Variants in MEI4 observed in about 807,000 individuals in gnomAD.
MEI4 encodes the protein meiotic double-stranded break formation protein 4, also known as meiosis-specific protein MEI4.
Under a neutral mutation model 31.4 loss-of-function variants are expected in MEI4, and 27 were observed. The observed-to-expected ratio is 0.86, with a 90% CI of 0.63 to 1.19. The LOEUF (loss-of-function observed/expected upper bound fraction) is 1.19, where lower values mean the gene tolerates loss of function less well. MEI4 is among the 50% of genes most tolerant of loss of function. The pLI, the probability that MEI4 is intolerant of heterozygous loss-of-function variation, is 0.00. For synonymous variants in MEI4, 122 were observed against 145.4 expected, an observed-to-expected ratio of 0.84 and a Z score of 1.16; for missense variants, 329 against 398.9, an observed-to-expected ratio of 0.82 and a Z score of 1.49.
intron 1 of MEI4, among the ~76,000 whole-genome samples, chr6:77,656,666 A>G (rs1383488004): frequency 6.6e-6 from 1 of 152,218 alleles, no homozygotes; most frequent in East Asian, 1.9e-4. Flanking sequence ...AACGGTGCAT[A>G]AAACACTTAG....
At chr6:77,734,829 G>T (rs1221341943) in intron 2 of MEI4, among the ~76,000 whole-genome samples, 60 of 151,856 alleles carry the variant, frequency 4.0e-4, no homozygotes, top group Non-Finnish European at 4.6e-4. Flanking sequence ...GGGCAGGCCT[G>T]GTTGTGACAA....
At chr6:77,766,026 G>A (rs1218804731) in intron 3 of MEI4, among the ~76,000 whole-genome samples, 2 of 152,170 alleles carry the variant, frequency 1.3e-5, no homozygotes, top group African/African-American at 4.8e-5. Flanking sequence ...GATTTTCTAA[G>A]CAGCAGCTCT....
At chr6:77,696,542 G>T (rs548714706) in intron 2 of MEI4, among the ~76,000 whole-genome samples, 1 of 151,538 alleles carries the variant, frequency 6.6e-6, no homozygotes, top group African/African-American at 2.4e-5. Flanking sequence ...TTTGTCTTTG[G>T]TTCTGTTTAT....
chr6:77,742,561 T>C lies in MEI4; in HGVS notation c.233-18569T>C, dbSNP rs147502293. Among the ~76,000 whole-genome samples the C allele has an allele frequency of 7.8e-3, 1,189 of 152,228 alleles. 18 individuals are homozygous for C. The highest frequency in any genetic ancestry group is 0.027 in the African/African-American group (1,140 of 41,530). ...AGTAGTTTGCGAAAATTTTCTCCCA[T>C]TTTGTAGGTTGCCTATTCACTCTGA... On this transcript the variant is annotated intron_variant, in intron 2 of 4. Transcript: ENST00000684080.
chr6:77,675,624 G>A (rs1768830132), intron 1 of MEI4, among the ~76,000 whole-genome samples: 2 of 151,246 alleles, frequency 1.3e-5, no homozygotes, highest in South Asian at 4.2e-4. Context: ...TCAAAGCAGA[G>A]CCCACTGTCA....
At chr6:77,796,795 A>G (rs553106860) in intron 3 of MEI4, among the ~76,000 whole-genome samples, 29 of 152,306 alleles carry the variant, frequency 1.9e-4, no homozygotes, top group East Asian at 5.8e-4. Context: ...TGCCATCCAC[A>G]TTAAAATTCC....
chr6:77,762,866 A>G (rs1031526480), intron 3 of MEI4, among the ~76,000 whole-genome samples: 1 of 152,220 alleles, frequency 6.6e-6, no homozygotes, highest in African/African-American at 2.4e-5. Context: ...CAGATTTGCC[A>G]TAGTTGTATC....
chr6:77,846,175 C>T (rs2127716570), intron 4 of MEI4, among the ~76,000 whole-genome samples: 1 of 151,962 alleles, frequency 6.6e-6, no homozygotes, highest in Admixed American at 6.6e-5. Flanking sequence ...TGCAGTGGTG[C>T]AATCTCGTCT....
intron 3 of MEI4, among the ~76,000 whole-genome samples, chr6:77,807,069 A>T (rs969641114): frequency 1.3e-5 from 2 of 151,492 alleles, no homozygotes; most frequent in African/African-American, 4.8e-5. Flanking sequence ...ATGACTTAGA[A>T]AACTAGCTTT....
intron 2 of MEI4, among the ~76,000 whole-genome samples, chr6:77,747,351 G>T (rs1767639558): frequency 6.6e-6 from 1 of 152,108 alleles, no homozygotes; most frequent in Non-Finnish European, 1.5e-5. Flanking sequence ...ACTGCCTGGA[G>T]ACTGTATAGT....
At chr6:77,841,798 T>G (rs1287028705) in intron 4 of MEI4, among the ~76,000 whole-genome samples, 1 of 152,170 alleles carries the variant, frequency 6.6e-6, no homozygotes, top group Non-Finnish European at 1.5e-5. Flanking sequence ...ACTGTGTTAA[T>G]ATTAGCAAAA....
intron 4 of MEI4, among the ~76,000 whole-genome samples, chr6:77,861,287 A>G (rs1381149169): frequency 6.6e-6 from 1 of 152,190 alleles, no homozygotes; most frequent in Non-Finnish European, 1.5e-5. Flanking sequence ...CAAAACCACA[A>G]TTACTTTTGC....
intron 4 of MEI4, among the ~76,000 whole-genome samples, chr6:77,914,073 T>C (rs1438085041): frequency 6.6e-6 from 1 of 151,638 alleles, no homozygotes; most frequent in Admixed American, 6.6e-5. Flanking sequence ...TTATATTGTT[T>C]ATATGAGTTT....
chr6:77,652,584 C>T (rs1477644689), upstream of MEI4, among the ~76,000 whole-genome samples: 2 of 152,014 alleles, frequency 1.3e-5, no homozygotes, highest in Non-Finnish European at 2.9e-5. Flanking sequence ...GTTTGGTATG[C>T]AATTAGTGCA....
chr6:77,903,226 C>A (rs1037573329), intron 4 of MEI4, among the ~76,000 whole-genome samples: 1 of 151,942 alleles, frequency 6.6e-6, no homozygotes, highest in Non-Finnish European at 1.5e-5. Flanking sequence ...TGATGGTTAA[C>A]TTACAAAATT....
intron 3 of MEI4, among the ~76,000 whole-genome samples, chr6:77,819,420 A>C (rs1769764238): frequency 6.6e-6 from 1 of 152,134 alleles, no homozygotes; most frequent in South Asian, 2.1e-4. Context: ...AGTGCTCAAA[A>C]CTTAGAGAAA....
intron 4 of MEI4, among the ~76,000 whole-genome samples, chr6:77,845,884 G>GT (rs11294532): frequency 4.0e-4 from 58 of 143,408 alleles, no homozygotes; most frequent in African/African-American, 8.3e-4. Context: ...CAGAAGTCTT[G>GT]TTTTTTTTTT....
intron 2 of MEI4, among the ~76,000 whole-genome samples, chr6:77,738,298 T>G (rs554435375): frequency 1.7e-4 from 26 of 152,210 alleles, no homozygotes; most frequent in Non-Finnish European, 3.4e-4. Flanking sequence ...AAAACGAATC[T>G]TCTCATTAGT....
At chr6:77,688,619 A>C (rs1200994876) in intron 1 of MEI4, among the ~76,000 whole-genome samples, 3 of 152,062 alleles carry the variant, frequency 2.0e-5, no homozygotes, top group Admixed American at 6.6e-5. Flanking sequence ...CTGTGTTTTT[A>C]TTATCCAGAG....
Sources: gnomAD v4.1 joint callset for allele counts (sites outside exome capture counted in the v4.1 genomes callset) on GRCh38, gnomAD v4.1.1 for gene constraint, MANE v1.5 for transcripts, NCBI Gene and HGNC (gene_info 2026-07-23, HGNC 2026-07-21) for gene names.